The following NUP54 variants were observed in gnomAD, a reference collection of about 807,000 sequenced individuals.
The protein encoded by NUP54 is nucleoporin 54.
A neutral mutation model predicts 66.4 loss-of-function variants in NUP54; 27 were observed. That is an observed-to-expected ratio of 0.41 (90% confidence interval 0.30 to 0.56). The LOEUF (loss-of-function observed/expected upper bound fraction) is 0.56, where lower values mean the gene tolerates loss of function less well. Among genes scored for constraint, NUP54 ranks in the 20% least tolerant of loss-of-function variants. The pLI, the probability that NUP54 is intolerant of heterozygous loss-of-function variation, is 0.34. For synonymous variants in NUP54, 206 were observed against 210.7 expected, an observed-to-expected ratio of 0.98 and a Z score of 0.19; for missense variants, 486 against 596.3, an observed-to-expected ratio of 0.82 and a Z score of 1.93.
chr4:76,140,538 A>G (rs990628891), intron 3 of NUP54, among the ~76,000 whole-genome samples: 3 of 152,136 alleles, frequency 2.0e-5, no homozygotes, highest in Non-Finnish European at 4.4e-5. Flanking sequence ...TCAGCCTCCC[A>G]AAGTGCTGGG....
intron 3 of NUP54, among the ~76,000 whole-genome samples, chr4:76,143,275 T>C (rs572724924): frequency 1.6e-4 from 24 of 152,214 alleles, no homozygotes; most frequent in Non-Finnish European, 3.2e-4. Flanking sequence ...AAAAACTCTA[T>C]AGGATAAATG....
At chr4:76,128,034 T>C (rs1730617805) in intron 8 of NUP54, among the ~76,000 whole-genome samples, 1 of 152,108 alleles carries the variant, frequency 6.6e-6, no homozygotes, top group Non-Finnish European at 1.5e-5. Flanking sequence ...CCCTCAGGCG[T>C]CCCTAGTCTG....
chr4:76,118,583 G>GCGGGGGGT (rs796140085), intron 9 of NUP54: 1 of 93,202 alleles, frequency 1.1e-5, no homozygotes, highest in African/African-American at 4.8e-5. Context: ...TGGGGGGGGG[G>GCGGGGGGT]GTCTCACTAT....
At chr4:76,123,599 G>A (rs569233116) in intron 9 of NUP54, among the ~76,000 whole-genome samples, 3 of 151,674 alleles carry the variant, frequency 2.0e-5, no homozygotes, top group Admixed American at 1.3e-4. Context: ...TGCAACCTCC[G>A]CCTCCCAGGT....
chr4:76,134,755 C>A (rs962444620), intron 4 of NUP54, among the ~76,000 whole-genome samples: 5 of 151,830 alleles, frequency 3.3e-5, no homozygotes, highest in Admixed American at 6.6e-5. Flanking sequence ...ATGATTTTTC[C>A]ATTTTATAGG....
intron 3 of NUP54, among the ~76,000 whole-genome samples, chr4:76,139,211 GATC>G (rs1731159291): frequency 1.3e-5 from 2 of 152,274 alleles, no homozygotes; most frequent in Middle Eastern, 3.4e-3. Flanking sequence ...TTGAGGCAAT[GATC>G]ATCAAGGAAT....
At chr4:76,122,681 GA>G (rs1170576720) in intron 9 of NUP54, among the ~76,000 whole-genome samples, 3 of 152,284 alleles carry the variant, frequency 2.0e-5, no homozygotes. Context: ...GTGTGCATAT[GA>G]CACAGCAATT....
intron 6 of NUP54, 60 bp downstream of exon 6, chr4:76,132,463 G>C: frequency 1.6e-6 from 2 of 1,275,560 alleles, no homozygotes; most frequent in Non-Finnish European, 1.1e-6. Context: ...TCTGAAATAC[G>C]GGGAGTGTTT....
chr4:76,122,450 C>A (rs60885790), intron 9 of NUP54, among the ~76,000 whole-genome samples: 1,867 of 152,308 alleles, frequency 0.012, 40 homozygotes, highest in African/African-American at 0.042. Context: ...CTGGCAACTA[C>A]TAATCTGTTA....
At chr4:76,125,656 GA>G (rs1348658485) in intron 8 of NUP54, among the ~76,000 whole-genome samples, 1 of 28,584 alleles carries the variant, frequency 3.5e-5, no homozygotes, top group Admixed American at 3.0e-4. Flanking sequence ...GGGGGAGAGG[GA>G]GAGAGGGGGA....
chr4:76,132,221 A>T (rs1730833280), intron 6 of NUP54: 1 of 187,766 alleles, frequency 5.3e-6, no homozygotes. Flanking sequence ...TTAAAATGAG[A>T]TAAGCTAGAA....
chr4:76,124,393 A>G (rs1730367330), intron 9 of NUP54, among the ~76,000 whole-genome samples: 1 of 152,168 alleles, frequency 6.6e-6, no homozygotes, highest in East Asian at 1.9e-4. Context: ...CCCTTGCACT[A>G]AGATGCTTTA....
chr4:76,115,315 G>C lies in NUP54; in HGVS notation c.*51C>G. 2 of 1,475,476 alleles carry C rather than the reference G, an allele frequency of 1.4e-6. No homozygotes were observed. Among genetic ancestry groups the C allele is most frequent in the Non-Finnish European group, 1.8e-6 (2 of 1,110,910 alleles). 91.4% of individuals were successfully genotyped at this position (1,475,476 alleles called of 1,614,324 possible). A position where few individuals can be genotyped will look rare whatever the true frequency, so the allele number is the denominator to read the frequency against. On this transcript the variant is annotated 3_prime_UTR_variant, in exon 12 of 12. Coordinates refer to ENST00000264883, the MANE Select transcript of NUP54 (RefSeq NM_017426.4). ...TCGGTTTCATTCTTAAGGAAGGTCT[G>C]ATGCAGTAAGAAGATGCATTTCACA...
Position 76,118,330 on chromosome 4 carries a change from TTA to T in NUP54, c.1165-138_1165-137del, listed in dbSNP as rs1472085017. 4 of 750,128 alleles carry T rather than the reference TTA, an allele frequency of 5.3e-6. No individual in the cohort carries two copies. The African/African-American group carries it at 7.0e-5, about 13-fold the overall frequency. The allele number at this position is 750,128 out of a possible 1,614,324, so 46.5% of individuals were successfully genotyped here. A position where few individuals can be genotyped will look rare whatever the true frequency, so the allele number is the denominator to read the frequency against. On this transcript the variant is annotated intron_variant, in intron 9 of 11. Coordinates refer to ENST00000264883, the MANE Select transcript of NUP54 (RefSeq NM_017426.4). Reference sequence around the variant, plus strand: ...AGGGTTCAACAGTTCAGGATTTGAATTATGTTTCTGTCCATTTTAACTAGGCA... The same window carrying T: ...AGGGTTCAACAGTTCAGGATTTGAATTGTTTCTGTCCATTTTAACTAGGCA...
intron 8 of NUP54, among the ~76,000 whole-genome samples, chr4:76,130,371 G>A (rs1420584517): frequency 1.3e-5 from 2 of 151,816 alleles, no homozygotes; most frequent in South Asian, 2.1e-4. Context: ...ATTTTCATAA[G>A]GCCCCATAAA....
intron 9 of NUP54, among the ~76,000 whole-genome samples, chr4:76,121,340 G>A (rs1384432365): frequency 6.6e-6 from 1 of 152,084 alleles, no homozygotes; most frequent in Non-Finnish European, 1.5e-5. Context: ...AATTATAAGA[G>A]GTTTAAAATA....
At chr4:76,136,981 A>G (rs61662067) in intron 3 of NUP54, among the ~76,000 whole-genome samples, 20,016 of 152,074 alleles carry the variant, frequency 0.13, 1,543 homozygotes, top group East Asian at 0.35. Flanking sequence ...TATAACGTTA[A>G]ATTTGTTTTT....
chr4:76,125,688 GAGAGA>G, intron 8 of NUP54, among the ~76,000 whole-genome samples: 1 of 26,958 alleles, frequency 3.7e-5, no homozygotes, highest in Admixed American at 3.2e-4. Context: ...GAGGGAGAGG[GAGAGA>G]GGGAGAAGAG....
intron 1 of NUP54, 110 bp downstream of exon 1, chr4:76,148,198 T>A (rs1731595357): frequency 1.1e-6 from 1 of 897,920 alleles, no homozygotes; most frequent in Non-Finnish European, 1.5e-6. Flanking sequence ...CTCTAAAGTC[T>A]CCGCGTCGGC....
Sources: allele counts gnomAD v4.1 joint callset (sites outside exome capture counted in the v4.1 genomes callset), GRCh38; gene constraint gnomAD v4.1.1; transcripts MANE v1.5; gene names NCBI Gene and HGNC (gene_info 2026-07-23, HGNC 2026-07-21).